BMP1: variants seen among roughly 807,000 people sequenced by gnomAD.
BMP1 encodes bone morphogenetic protein 1.
A neutral mutation model predicts 116.8 loss-of-function variants in BMP1; 63 were observed. That is an observed-to-expected ratio of 0.54 (90% CI 0.44 to 0.67). BMP1 has a LOEUF of 0.67. Ranked by LOEUF, BMP1 falls within the 30% of genes least tolerant of loss-of-function variation. BMP1 has a pLI of 0.00. For synonymous variants in BMP1, 536 were observed against 533.4 expected (o/e 1.00, Z -0.07); for missense variants, 1,183 against 1,358.9 (o/e 0.87, Z 2.04).
rs1205073007 is a variant in BMP1 at position 22,195,565 on chromosome 8, C to T, written c.1743C>T (p.Ala581=). 1.2e-6 allele frequency: 2 copies of T among 1,612,398 alleles called. No homozygotes were observed. Among genetic ancestry groups the T allele is most frequent in the Admixed American group, 3.3e-5 (2 of 59,864 alleles). Residue 581 remains alanine (A), a synonymous_variant, in exon 13 of 20, where the codon GCC becomes GCT. Coordinates refer to ENST00000306385, the MANE Select transcript of BMP1 (RefSeq NM_006129.5). ...KCSCDPGYEL[A]PDKRRCEAAC... is the part of the protein sequence containing the mutation. ...GCTGTGACCCCGGGTACGAGCTGGC[C>T]CCAGACAAGCGCCGCTGTGAGGGTG...
chr8:22,199,004 G>A (rs772918033), intron 15 of BMP1: 1 of 1,315,760 alleles, frequency 7.6e-7, no homozygotes. Flanking sequence ...GTCTCTTCCT[G>A]CCCTTCTGTT....
At chr8:22,200,609 T>G (rs11775186) in intron 15 of BMP1, among the ~76,000 whole-genome samples, 13,542 of 152,124 alleles carry the variant, frequency 0.089, 637 homozygotes, top group South Asian at 0.1. Context: ...CGTGTGCACA[T>G]GTATGTGTGT....
chr8:22,177,827 C>T (rs145656850), intron 5 of BMP1, 25 bp from the exon 6 acceptor site: 34 of 1,564,502 alleles, frequency 2.2e-5, no homozygotes, highest in Non-Finnish European at 2.8e-5. Context: ...CCTCTCCCCC[C>T]ACACCCTTTT....
intron 1 of BMP1, chr8:22,171,146 A>G (rs1273673849): frequency 6.6e-6 from 1 of 152,194 alleles, no homozygotes; most frequent in African/African-American, 2.4e-5. Context: ...CCTGCCGAGG[A>G]TGGCGATTCA....
chr8:22,195,953 T>A (rs936789833), intron 13 of BMP1, among the ~76,000 whole-genome samples: 1 of 152,166 alleles, frequency 6.6e-6, no homozygotes, highest in Admixed American at 6.5e-5. Context: ...AGATTTCTTA[T>A]GCCCTTGGAC....
In BMP1 at chr8:22,177,112, T is replaced by G. The variant is rs762843032; in HGVS notation, c.703T>G (p.Ser235Ala). 6.2e-7 allele frequency: 1 copy of G among 1,610,142 alleles called. No homozygotes were observed. The highest frequency in any genetic ancestry group is 1.7e-5 in the Admixed American group (1 of 59,788). ...HTRPDRDRHVSIVRENIQPGQ... is the reference protein window; with the variant it reads ...HTRPDRDRHVAIVRENIQPGQ... ...TCGGCCAGACCGGGACCGCCACGTT[T>G]CCATCGTTCGTGAGAACATCCAGCC... is the stretch of plus-strand genomic sequence containing the variant. Residue 235 changes from serine (S) to alanine (A), a missense_variant, in exon 5 of 20, where the codon TCC becomes GCC. Coordinates refer to ENST00000306385, the MANE Select transcript of BMP1 (RefSeq NM_006129.5).
rs990593158 is a variant in BMP1, at chr8:22,165,506, A to G, written c.101A>G (p.Glu34Gly). ...GCCGACTACACCTATGACCTGGCGG[A>G]GGAGGACGACTCGGAGCCCCTCAAC... Reference protein sequence around the residue: ...DLADYTYDLAEEDDSEPLNYK... With the variant: ...DLADYTYDLAGEDDSEPLNYK... Residue 34 changes from glutamate (E) to glycine (G), a missense_variant, in exon 1 of 20, where the codon GAG (glutamate) becomes GGG (glycine). Physicochemically the swap from Glu to Gly is moderately conservative, Grantham distance 98. Transcript: ENST00000306385. The G allele has an allele frequency of 1.9e-6, 3 of 1,593,568 alleles. No individual in the cohort carries two copies. The highest frequency in any genetic ancestry group is 2.8e-5 in the African/African-American group (2 of 72,252).
At chr8:22,198,232 C>G (rs2047194076) in intron 15 of BMP1, among the ~76,000 whole-genome samples, 2 of 152,172 alleles carry the variant, frequency 1.3e-5, no homozygotes, top group Admixed American at 1.3e-4. Flanking sequence ...CCTTGGGGCT[C>G]CCCTGAACCG....
At chr8:22,206,512 AAAAG>A (rs542654030) in intron 16 of BMP1, among the ~76,000 whole-genome samples, 9,960 of 150,754 alleles carry the variant, frequency 0.066, 432 homozygotes, top group African/African-American at 0.092. Flanking sequence ...AAAAAAAAAA[AAAAG>A]AAAGAAAGAA....
chr8:22,194,293 G>T lies in BMP1; in HGVS notation c.1297+119G>T. Reference sequence around the variant, plus strand: ...GGGTTCCCAAGGGAAGAAGCAGAGAGAATGATGGGATTGCCTGGGACTGGG... The same window carrying T: ...GGGTTCCCAAGGGAAGAAGCAGAGATAATGATGGGATTGCCTGGGACTGGG... On this transcript the variant is annotated intron_variant, in intron 10 of 19. Coordinates refer to ENST00000306385, the MANE Select transcript of BMP1 (RefSeq NM_006129.5). This position sits in a 1 kb window ranked among gnomAD's most constrained non-coding sequence, Gnocchi z 4.5. 1 of 1,452,576 alleles carries T rather than the reference G, an allele frequency of 6.9e-7. No individual in the cohort carries two copies. Among genetic ancestry groups the T allele is most frequent in the South Asian group, 1.2e-5 (1 of 81,964 alleles). 90.0% of individuals were successfully genotyped at this position (1,452,576 alleles called of 1,614,324 possible). A position where few individuals can be genotyped will look rare whatever the true frequency, so the allele number is the denominator to read the frequency against.
intron 1 of BMP1, among the ~76,000 whole-genome samples, chr8:22,173,340 A>C (rs1828334794): frequency 6.6e-6 from 1 of 152,186 alleles, no homozygotes. Flanking sequence ...CACACTCCCC[A>C]AAGAATGATG....
At chr8:22,166,001 T>C (rs764046937) in intron 1 of BMP1, among the ~76,000 whole-genome samples, 1 of 151,620 alleles carries the variant, frequency 6.6e-6, no homozygotes, top group Non-Finnish European at 1.5e-5. Flanking sequence ...GCCCTGGGGC[T>C]GCACATCTGT....
Position 22,191,249 on chromosome 8 carries a change from G to C in BMP1, c.1078-800G>C, listed in dbSNP as rs529254214. On this transcript the variant is annotated intron_variant, in intron 8 of 19. Transcript: ENST00000306385. ...CATAGCAGAGGCTCAGAGGTTGCGTGGTTTGCTTGATGACTCACAGCAGGA... is the reference window on the plus strand; with the variant it reads ...CATAGCAGAGGCTCAGAGGTTGCGTCGTTTGCTTGATGACTCACAGCAGGA... Among the ~76,000 whole-genome samples the C allele has an allele frequency of 1.4e-4, 22 of 152,296 alleles. No individual in the cohort carries two copies. The South Asian group carries it at 4.1e-3, about 29-fold the overall frequency.
intron 13 of BMP1, chr8:22,196,436 A>G: frequency 1.6e-6 from 1 of 609,644 alleles, no homozygotes; most frequent in Admixed American, 2.7e-5. Flanking sequence ...ATTTGCAGAG[A>G]AGATAGAAAT....
In BMP1 at chr8:22,207,296, C is replaced by T. The variant is rs758100703; in HGVS notation, c.2362-7C>T. The T allele has an allele frequency of 4.4e-6, 7 of 1,607,448 alleles. No individual in the cohort carries two copies. The highest frequency in any genetic ancestry group is 6.0e-6 in the Non-Finnish European group (7 of 1,174,312). ...TTTTAATCTGTGCTCCTTCCTCATCCCCCTAGACCTTCATGGAGATGGACA... is the reference window on the plus strand; with the variant it reads ...TTTTAATCTGTGCTCCTTCCTCATCTCCCTAGACCTTCATGGAGATGGACA... On this transcript the variant is annotated splice_polypyrimidine_tract_variant and splice_region_variant and intron_variant, in intron 17 of 19. Coordinates refer to ENST00000306385, the MANE Select transcript of BMP1 (RefSeq NM_006129.5).
In BMP1 at chr8:22,183,136, G is replaced by T. The variant is rs555385230; in HGVS notation, c.1077+2653G>T. Among the ~76,000 whole-genome samples the T allele has an allele frequency of 2.0e-5, 3 of 152,244 alleles. No individual in the cohort carries two copies. In the South Asian group the frequency reaches 6.2e-4, roughly 32 times the overall value. On this transcript the variant is annotated intron_variant, in intron 8 of 19. Transcript: ENST00000306385. ...ATCTCACTTAAAAAATGGCAGTTCT[G>T]GCCAGTATATGGCCCATGCCTGTAA... is the stretch of plus-strand genomic sequence containing the variant.
At chr8:22,199,159 G>A (rs1829181236) in intron 15 of BMP1, 1 of 1,367,474 alleles carries the variant, frequency 7.3e-7, no homozygotes, top group African/African-American at 1.5e-5. Context: ...GCACACACAT[G>A]TGCACACACA....
intron 15 of BMP1, chr8:22,198,623 G>T (rs1829161079): frequency 6.4e-6 from 1 of 157,480 alleles, no homozygotes; most frequent in African/African-American, 2.4e-5. Context: ...CCGGACAGGG[G>T]ATAGGCAGGA....
At chr8:22,191,115 G>A (rs1296485488) in intron 8 of BMP1, among the ~76,000 whole-genome samples, 2 of 152,210 alleles carry the variant, frequency 1.3e-5, no homozygotes, top group African/African-American at 2.4e-5. Flanking sequence ...AGTAGCGAGC[G>A]AGCGTTTCCT....
Sources: allele counts gnomAD v4.1 joint callset (sites outside exome capture counted in the v4.1 genomes callset), GRCh38; gene constraint gnomAD v4.1.1; non-coding constraint Gnocchi (gnomAD v3.1); transcripts MANE v1.5; gene names NCBI Gene and HGNC (gene_info 2026-07-23, HGNC 2026-07-21).